Variants in CRPPA observed in about 807,000 individuals in gnomAD.
CRPPA encodes the protein D-ribitol-5-phosphate cytidylyltransferase.
A neutral mutation model predicts 52.0 loss-of-function variants in CRPPA; 43 were observed. That is an observed-to-expected ratio of 0.83 (90% CI 0.65 to 1.07). CRPPA has a LOEUF of 1.07. Ranked by LOEUF, CRPPA falls within the 50% of genes least tolerant of loss-of-function variation. The pLI, the probability that CRPPA is intolerant of heterozygous loss-of-function variation, is 0.00. For synonymous variants in CRPPA, 250 were observed against 203.5 expected (o/e 1.23, Z -1.94); for missense variants, 629 against 551.7 (o/e 1.14, Z -1.40).
chr7:16,200,370 C>T (rs933966616), intron 9 of CRPPA, among the ~76,000 whole-genome samples: 1 of 152,154 alleles, frequency 6.6e-6, no homozygotes, highest in Non-Finnish European at 1.5e-5. Flanking sequence ...AACCTCAAAT[C>T]TATATAGTAT....
chr7:16,184,634 T>C (rs552136008), intron 9 of CRPPA, among the ~76,000 whole-genome samples: 2 of 152,258 alleles, frequency 1.3e-5, no homozygotes, highest in South Asian at 4.1e-4. Flanking sequence ...GCACATGCTG[T>C]TTATTGAACA....
At chr7:16,220,460 A>T (rs1229483955) in intron 8 of CRPPA, among the ~76,000 whole-genome samples, 1 of 49,202 alleles carries the variant, frequency 2.0e-5, no homozygotes, top group Non-Finnish European at 3.9e-5. Flanking sequence ...TAGGCAGGAG[A>T]AGGAAATAAA....
At chr7:16,117,666 T>C (rs1051799246) in intron 9 of CRPPA, among the ~76,000 whole-genome samples, 1 of 152,154 alleles carries the variant, frequency 6.6e-6, no homozygotes, top group Non-Finnish European at 1.5e-5. Flanking sequence ...TTCCTTTCCC[T>C]CTTTCTAATC....
chr7:16,332,947 C>T lies in CRPPA; in HGVS notation c.685-24320G>A, dbSNP rs1038181246. Among the ~76,000 whole-genome samples, 8 of 151,850 alleles carry T rather than the reference C, an allele frequency of 5.3e-5. No individual in the cohort carries two copies. In the South Asian group the frequency reaches 1.5e-3, roughly 28 times the overall value. The stretch of plus-strand genomic sequence containing the variant: ...AGTAAATGGACGGAAAAAAAAACCA[C>T]GCTAACATTATCAAAAGACGGTAGG... On this transcript the variant is annotated intron_variant, in intron 3 of 9. Transcript: ENST00000407010.
At chr7:16,254,579 G>A (rs1783562902) in intron 8 of CRPPA, among the ~76,000 whole-genome samples, 1 of 151,826 alleles carries the variant, frequency 6.6e-6, no homozygotes, top group African/African-American at 2.4e-5. Flanking sequence ...CAAACATGGG[G>A]GCCTGTAGTG....
chr7:16,400,016 G>A (rs576929886), intron 2 of CRPPA, among the ~76,000 whole-genome samples: 4 of 152,260 alleles, frequency 2.6e-5, no homozygotes, highest in East Asian at 1.9e-4. Context: ...ACTGACTCGC[G>A]AATGACATGA....
intron 6 of CRPPA, among the ~76,000 whole-genome samples, chr7:16,264,344 A>C (rs939817031): frequency 6.6e-6 from 1 of 152,200 alleles, no homozygotes; most frequent in African/African-American, 2.4e-5. Context: ...AATTTAAAAC[A>C]ACTTCCAATG....
At chr7:16,379,192 T>C (rs1372436538) in intron 2 of CRPPA, among the ~76,000 whole-genome samples, 1 of 152,234 alleles carries the variant, frequency 6.6e-6, no homozygotes, top group Non-Finnish European at 1.5e-5. Context: ...CATGCCTATG[T>C]CCTGAATGGT....
At chr7:16,209,426 C>T (rs1782072088) in intron 9 of CRPPA, among the ~76,000 whole-genome samples, 1 of 151,884 alleles carries the variant, frequency 6.6e-6, no homozygotes, top group South Asian at 2.1e-4. Context: ...TGCTCCCCAC[C>T]ACAATCGGCT....
intron 9 of CRPPA, among the ~76,000 whole-genome samples, chr7:16,163,209 C>T (rs577260153): frequency 7.9e-5 from 12 of 152,072 alleles, no homozygotes; most frequent in South Asian, 4.2e-4. Context: ...CTCCTGATCT[C>T]GTGATCTGCC....
At chr7:16,116,659 G>GA (rs71525890) in intron 9 of CRPPA, among the ~76,000 whole-genome samples, 993 of 77,986 alleles carry the variant, frequency 0.013, 31 homozygotes, top group African/African-American at 0.054. Context: ...AGACTCGGTC[G>GA]AAAAAAAAAA....
chr7:16,273,893 C>T (rs1784147365), intron 6 of CRPPA, among the ~76,000 whole-genome samples: 1 of 152,160 alleles, frequency 6.6e-6, no homozygotes, highest in Non-Finnish European at 1.5e-5. Flanking sequence ...TACCTGCTCA[C>T]CTGCATGCTC....
intron 9 of CRPPA, among the ~76,000 whole-genome samples, chr7:16,166,326 C>T (rs892331233): frequency 6.6e-6 from 1 of 151,980 alleles, no homozygotes; most frequent in Non-Finnish European, 1.5e-5. Flanking sequence ...GCTGCCCAGG[C>T]TAGAGTGCAG....
intron 3 of CRPPA, among the ~76,000 whole-genome samples, chr7:16,326,753 C>A (rs981478803): frequency 1.3e-5 from 2 of 152,082 alleles, no homozygotes; most frequent in Admixed American, 1.3e-4. Context: ...TGTGAAAGAT[C>A]TCAGGATGAT....
intron 9 of CRPPA, among the ~76,000 whole-genome samples, chr7:16,170,656 G>C (rs901312776): frequency 3.3e-5 from 5 of 152,238 alleles, no homozygotes; most frequent in Non-Finnish European, 5.9e-5. Context: ...TGTCACACAG[G>C]GGGCGGGGGA....
At chr7:16,282,993 T>A (rs1450400942) in intron 5 of CRPPA, among the ~76,000 whole-genome samples, 1 of 152,068 alleles carries the variant, frequency 6.6e-6, no homozygotes, top group Non-Finnish European at 1.5e-5. Flanking sequence ...AACATAAATA[T>A]CTTGTTTTCC....
At chr7:16,234,874 A>G (rs1295173) in intron 8 of CRPPA, among the ~76,000 whole-genome samples, 56,180 of 148,976 alleles carry the variant, frequency 0.38, 10,897 homozygotes, top group African/African-American at 0.54. Flanking sequence ...GTAAACAATT[A>G]AAAAAAGAAG....
intron 3 of CRPPA, among the ~76,000 whole-genome samples, chr7:16,341,778 G>C (rs1337591550): frequency 6.6e-6 from 1 of 152,168 alleles, no homozygotes; most frequent in Non-Finnish European, 1.5e-5. Flanking sequence ...TTAGAGAATA[G>C]TGTTCCATGT....
chr7:16,341,676 TAAC>T (rs1350386921), intron 3 of CRPPA, among the ~76,000 whole-genome samples: 4 of 152,098 alleles, frequency 2.6e-5, no homozygotes, highest in African/African-American at 7.3e-5. Flanking sequence ...CTTTAATTAA[TAAC>T]GTGTATTCTG....
Sources: allele counts gnomAD v4.1 joint callset (sites outside exome capture counted in the v4.1 genomes callset), GRCh38; gene constraint gnomAD v4.1.1; transcripts MANE v1.5; gene names NCBI Gene and HGNC (gene_info 2026-07-23, HGNC 2026-07-21).